Variants in BICDL1 observed in about 807,000 individuals in gnomAD.
The protein encoded by BICDL1 is BICD family-like cargo adapter 1.
BICDL1 carries 20 observed loss-of-function variants against 76.8 expected under a neutral mutation model. That is an observed-to-expected ratio of 0.26 (90% confidence interval 0.18 to 0.38). BICDL1 has a LOEUF of 0.38. Among genes scored for constraint, BICDL1 ranks in the 10% least tolerant of loss-of-function variants. BICDL1 has a pLI of 1.00. For synonymous variants in BICDL1, 383 were observed against 337.1 expected (o/e 1.14, Z -1.49); for missense variants, 700 against 798.6 (o/e 0.88, Z 1.49).
chr12:120,085,138 G>A (rs1473346852), intron 8 of BICDL1, among the ~76,000 whole-genome samples: 1 of 152,010 alleles, frequency 6.6e-6, no homozygotes, highest in Non-Finnish European at 1.5e-5. Flanking sequence ...TTTAGTTAAT[G>A]GATACTTAAG....
At chr12:120,016,433 C>A (rs1952062348) in intron 2 of BICDL1, among the ~76,000 whole-genome samples, 1 of 139,148 alleles carries the variant, frequency 7.2e-6, no homozygotes. Context: ...ATGTCTGTAA[C>A]CTTTTTTTTT....
intron 2 of BICDL1, among the ~76,000 whole-genome samples, chr12:120,043,628 G>A (rs1458192542): frequency 6.6e-6 from 1 of 152,222 alleles, no homozygotes; most frequent in Non-Finnish European, 1.5e-5. Flanking sequence ...GCCCTTTCCT[G>A]TGGATGGGCT....
Position 120,093,287 on chromosome 12 carries a change from G to A in BICDL1, c.*126G>A. On this transcript the variant is annotated 3_prime_UTR_variant, in exon 10 of 10. Coordinates refer to ENST00000548673, the MANE Select transcript of BICDL1 (RefSeq NM_001367886.1). ...TGCCCCTCATGCTAGGGCCCCATGG[G>A]TCCGGGAGGGCCTGCTCCCTTTCGT... The A allele has an allele frequency of 1.8e-6, 2 of 1,124,184 alleles. No individual in the cohort carries two copies. Among genetic ancestry groups the A allele is most frequent in the Non-Finnish European group, 2.5e-6 (2 of 787,880 alleles). The allele number at this position is 1,124,184 out of a possible 1,614,324, so 69.6% of individuals were successfully genotyped here.
At chr12:120,037,073 A>C (rs865968883) in intron 2 of BICDL1, among the ~76,000 whole-genome samples, 3 of 152,136 alleles carry the variant, frequency 2.0e-5, no homozygotes, top group Non-Finnish European at 2.9e-5. Context: ...CAAGTGTGAC[A>C]CCTAATTTGT....
intron 2 of BICDL1, among the ~76,000 whole-genome samples, chr12:120,056,496 G>A (rs1026637135): frequency 2.6e-5 from 4 of 152,228 alleles, no homozygotes; most frequent in East Asian, 1.9e-4. Context: ...CAAGGTGGGC[G>A]GATCACGAGG....
rs1297248469 is a variant in BICDL1 at position 119,998,521 on chromosome 12, C to G, written c.430C>G (p.His144Asp). 1.3e-6 allele frequency: 2 copies of G among 1,597,684 alleles called. No individual in the cohort carries two copies. Among genetic ancestry groups the G allele is most frequent in the African/African-American group, 1.4e-5 (1 of 73,848 alleles). The change falls in exon 2 of 10, where the codon CAC (histidine) becomes GAC (aspartate). Residue 144 changes from histidine to aspartate, a missense_variant and splice_region_variant. Transcript: ENST00000548673. ...TTAAATCCCTTCACTTTTCACCCAG[C>G]ACTTAGAGCAAGAGAAACATGAATT... is the stretch of plus-strand genomic sequence containing the variant. Reference protein sequence around the residue: ...MHKELTDKLEHLEQEKHELRR... With the variant: ...MHKELTDKLEDLEQEKHELRR...
intron 7 of BICDL1, among the ~76,000 whole-genome samples, chr12:120,080,320 G>T (rs978323001): frequency 6.6e-6 from 1 of 152,234 alleles, no homozygotes; most frequent in African/African-American, 2.4e-5. Context: ...CAGGTTTGAG[G>T]TGGAAGATGA....
At chr12:120,027,388 G>A (rs1952328988) in intron 2 of BICDL1, among the ~76,000 whole-genome samples, 1 of 152,008 alleles carries the variant, frequency 6.6e-6, no homozygotes, top group African/African-American at 2.4e-5. Flanking sequence ...TTCCTCTTGA[G>A]GTACCACTTT....
At chr12:120,011,170 G>T (rs969651030) in intron 2 of BICDL1, among the ~76,000 whole-genome samples, 1 of 152,160 alleles carries the variant, frequency 6.6e-6, no homozygotes, top group Non-Finnish European at 1.5e-5. Flanking sequence ...TTCTAAGGTC[G>T]TAGCAGAAGG....
At chr12:120,091,219 G>A in intron 9 of BICDL1, 2 of 1,167,096 alleles carry the variant, frequency 1.7e-6, no homozygotes, top group African/African-American at 1.6e-5. Context: ...GTGGCCCAGT[G>A]CTAACGGCTG....
At chr12:120,092,376 C>T in intron 9 of BICDL1, 1 of 985,456 alleles carries the variant, frequency 1.0e-6, no homozygotes, top group Non-Finnish European at 1.2e-6. Context: ...GCAGGACAGC[C>T]CCTGAAGACC....
intron 1 of BICDL1, among the ~76,000 whole-genome samples, chr12:119,991,781 T>A (rs939459735): frequency 4.6e-5 from 7 of 152,214 alleles, no homozygotes; most frequent in African/African-American, 1.7e-4. Flanking sequence ...TTCATAGTAA[T>A]CCTGAGTGTG....
chr12:120,047,823 CT>C, intron 2 of BICDL1, among the ~76,000 whole-genome samples: 1 of 152,050 alleles, frequency 6.6e-6, no homozygotes, highest in Non-Finnish European at 1.5e-5. Context: ...CTCAAGTCAC[CT>C]GCCAGTTTAT....
chr12:120,089,201 C>T (rs1244133240), intron 8 of BICDL1, among the ~76,000 whole-genome samples: 1 of 152,200 alleles, frequency 6.6e-6, no homozygotes, highest in Non-Finnish European at 1.5e-5. Context: ...ATGAGTAGCT[C>T]CTTTATGCTG....
At chr12:120,032,579 C>T (rs1952444278) in intron 2 of BICDL1, among the ~76,000 whole-genome samples, 1 of 152,024 alleles carries the variant, frequency 6.6e-6, no homozygotes, top group South Asian at 2.1e-4. Context: ...TTATTTTTAA[C>T]CTTTTATTAC....
rs143673458 is a variant in BICDL1, at chr12:120,089,581, C to T, written c.1584-370C>T. The stretch of plus-strand genomic sequence containing the variant: ...ATTTTTAGTAGAGACAGGGTTTCTC[C>T]ATGTTGGTCAGGCTGGTCTCGAACC... On this transcript the variant is annotated intron_variant, in intron 8 of 9. Coordinates refer to ENST00000548673, the MANE Select transcript of BICDL1 (RefSeq NM_001367886.1). 3.0e-3 allele frequency among the ~76,000 whole-genome samples: 454 copies of T among 152,130 alleles called. 4 individuals are homozygous for T. The highest frequency in any genetic ancestry group is 0.024 in the Middle Eastern group (7 of 294).
chr12:120,022,813 G>A (rs1952210928), intron 2 of BICDL1, among the ~76,000 whole-genome samples: 1 of 152,138 alleles, frequency 6.6e-6, no homozygotes, highest in African/African-American at 2.4e-5. Flanking sequence ...AAATGAAGCA[G>A]AGCCCAGTGA....
At chr12:120,092,006 G>T (rs1875015852) in intron 9 of BICDL1, 1 of 985,324 alleles carries the variant, frequency 1.0e-6, no homozygotes, top group Admixed American at 6.1e-5. Flanking sequence ...GTCTTACCAG[G>T]ATGCCGCAGA....
chr12:120,007,481 T>C lies in BICDL1; in HGVS notation c.645+8745T>C, dbSNP rs374936670. Reference sequence around the variant, plus strand: ...CCCCCACGTACACACTCTCAGCTCCTAGAAGAACCACCTTCTGAGTTCATG... The same window carrying C: ...CCCCCACGTACACACTCTCAGCTCCCAGAAGAACCACCTTCTGAGTTCATG... On this transcript the variant is annotated intron_variant, in intron 2 of 9. Coordinates refer to ENST00000548673, the MANE Select transcript of BICDL1 (RefSeq NM_001367886.1). Among the ~76,000 whole-genome samples the C allele has an allele frequency of 1.3e-3, 204 of 152,228 alleles. 8 individuals carry two copies. The South Asian group carries it at 0.041, about 31-fold the overall frequency.
Sources: gnomAD v4.1 joint callset for allele counts (sites outside exome capture counted in the v4.1 genomes callset) on GRCh38, gnomAD v4.1.1 for gene constraint, MANE v1.5 for transcripts, NCBI Gene and HGNC (gene_info 2026-07-23, HGNC 2026-07-21) for gene names.